LINGO2: variants seen among roughly 807,000 people sequenced by gnomAD.
LINGO2 encodes the protein leucine-rich repeat and immunoglobulin-like domain-containing nogo receptor-interacting protein 2.
Under a neutral mutation model 30.6 loss-of-function variants are expected in LINGO2, and 14 were observed. The observed-to-expected ratio is 0.46, with a 90% CI of 0.30 to 0.72. LINGO2 has a LOEUF of 0.72. Ranked by LOEUF, LINGO2 falls within the 30% of genes least tolerant of loss-of-function variation. LINGO2 has a pLI of 0.07. For missense variants in LINGO2, 729 were observed against 751.7 expected, an observed-to-expected ratio of 0.97 and a Z score of 0.35; for synonymous variants, 317 against 288.5, an observed-to-expected ratio of 1.10 and a Z score of -1.00.
the LINGO2 span, among the ~76,000 whole-genome samples, chr9:28,742,693 G>C: frequency 6.6e-6 from 1 of 151,696 alleles, no homozygotes; most frequent in East Asian, 1.9e-4. Flanking sequence ...GGAGAAAGAA[G>C]AACTACTAGA....
intron 3 of LINGO2, among the ~76,000 whole-genome samples, chr9:28,303,632 T>C (rs944783151): frequency 6.6e-6 from 1 of 152,154 alleles, no homozygotes; most frequent in African/African-American, 2.4e-5. Context: ...ATTTATTAAA[T>C]ACTGTAATCT....
chr9:28,893,348 C>A, the LINGO2 span, among the ~76,000 whole-genome samples: 1 of 152,040 alleles, frequency 6.6e-6, no homozygotes, highest in Non-Finnish European at 1.5e-5. Context: ...TATTTCCCAT[C>A]AATGACTAGT....
At chr9:28,053,229 T>C (rs542890001) in intron 4 of LINGO2, among the ~76,000 whole-genome samples, 1 of 152,042 alleles carries the variant, frequency 6.6e-6, no homozygotes, top group East Asian at 1.9e-4. Flanking sequence ...TCCTGGAGAA[T>C]GGAGAGGAAT....
At chr9:28,944,592 G>A in the LINGO2 span, among the ~76,000 whole-genome samples, 14 of 151,988 alleles carry the variant, frequency 9.2e-5, no homozygotes, top group Admixed American at 7.9e-4. Flanking sequence ...TTTTAGTAGA[G>A]ACAGGGTTTC....
At chr9:29,110,457 C>T in the LINGO2 span, among the ~76,000 whole-genome samples, 2 of 151,644 alleles carry the variant, frequency 1.3e-5, no homozygotes, top group Non-Finnish European at 2.9e-5. Context: ...CTCAGCCTCC[C>T]GAGTAGCTGG....
At position 28,558,948 on chromosome 9, in the gene LINGO2, G is replaced by C. The variant is rs147157726; in HGVS notation, c.-364-82923C>G. On this transcript the variant is annotated intron_variant, in intron 1 of 5. Transcript: ENST00000379992. The stretch of plus-strand genomic sequence containing the variant: ...AATAGGAAACCATGCCCCAAATAAA[G>C]AGATTTAGAGAAAAAAGTAGTATAT... 5.4e-3 allele frequency among the ~76,000 whole-genome samples: 827 copies of C among 152,032 alleles called. 6 individuals are homozygous for C. The highest frequency in any genetic ancestry group is 0.019 in the African/African-American group (786 of 41,520).
the LINGO2 span, among the ~76,000 whole-genome samples, chr9:28,831,621 CAA>C: frequency 1.5e-4 from 22 of 151,468 alleles, no homozygotes; most frequent in East Asian, 4.3e-3. Flanking sequence ...GGGAAATAAT[CAA>C]AGATTAGTAA....
chr9:28,405,301 T>C (rs1822454807), intron 2 of LINGO2, among the ~76,000 whole-genome samples: 1 of 152,166 alleles, frequency 6.6e-6, no homozygotes, highest in Admixed American at 6.6e-5. Context: ...TATTAATATG[T>C]GTCCTCTCAA....
the LINGO2 span, among the ~76,000 whole-genome samples, chr9:28,908,948 G>C: frequency 1.8e-4 from 28 of 151,740 alleles, no homozygotes; most frequent in Non-Finnish European, 3.0e-5. Context: ...ATTCTTCACT[G>C]TCTTCTGGTA....
In LINGO2 at chr9:28,147,590, G is replaced by A. The variant is rs1345923171; in HGVS notation, c.-86-135185C>T. On this transcript the variant is annotated intron_variant, in intron 4 of 5. Coordinates refer to ENST00000379992, the Ensembl canonical transcript of LINGO2. The surrounding 1 kb of genome is among the most constrained non-coding windows in gnomAD (Gnocchi z 4.7). ...CCAGGTTCTGGCCCTGTAACCCGGGGGACAGGGCCGGCCAAGACAGGGCCA... is the reference window on the plus strand; with the variant it reads ...CCAGGTTCTGGCCCTGTAACCCGGGAGACAGGGCCGGCCAAGACAGGGCCA... Among the ~76,000 whole-genome samples, 1 of 152,120 alleles carries A rather than the reference G, an allele frequency of 6.6e-6. No homozygotes were observed. The highest frequency in any genetic ancestry group is 2.4e-5 in the African/African-American group (1 of 41,444).
intron 1 of LINGO2, among the ~76,000 whole-genome samples, chr9:28,544,945 A>G (rs1279085809): frequency 6.6e-6 from 1 of 151,550 alleles, no homozygotes; most frequent in East Asian, 1.9e-4. Flanking sequence ...AGAGGAGTTA[A>G]TATCTATAGA....
At chr9:28,889,361 T>A in the LINGO2 span, among the ~76,000 whole-genome samples, 2 of 152,110 alleles carry the variant, frequency 1.3e-5, no homozygotes, top group African/African-American at 4.8e-5. Context: ...AACTACGAGA[T>A]CAGAATTCTA....
chr9:28,901,495 T>C, the LINGO2 span, among the ~76,000 whole-genome samples: 57 of 152,030 alleles, frequency 3.7e-4, no homozygotes, highest in East Asian at 9.3e-3. Context: ...TTAAAAATAA[T>C]AGGCGCAATT....
At chr9:27,955,646 T>C (rs1819525741) in intron 5 of LINGO2, among the ~76,000 whole-genome samples, 1 of 149,764 alleles carries the variant, frequency 6.7e-6, no homozygotes, top group African/African-American at 2.4e-5. Context: ...TTGTTCTTTT[T>C]TTATGTCTGG....
chr9:28,936,096 CTTAAT>C, the LINGO2 span, among the ~76,000 whole-genome samples: 1 of 152,064 alleles, frequency 6.6e-6, no homozygotes, highest in Admixed American at 6.6e-5. Context: ...GGCCAATACC[CTTAAT>C]TATTCACAAA....
chr9:28,266,032 G>T (rs1357376223), intron 4 of LINGO2, among the ~76,000 whole-genome samples: 4 of 151,940 alleles, frequency 2.6e-5, no homozygotes, highest in Non-Finnish European at 5.9e-5. Flanking sequence ...GGAATGATTT[G>T]AATGATTTAA....
At chr9:28,260,574 C>A (rs953822379) in intron 4 of LINGO2, among the ~76,000 whole-genome samples, 2 of 151,724 alleles carry the variant, frequency 1.3e-5, no homozygotes, top group Non-Finnish European at 2.9e-5. Context: ...CAGGGTGTGG[C>A]CTGACAGAGG....
the LINGO2 span, among the ~76,000 whole-genome samples, chr9:29,206,615 C>G: frequency 9.1e-4 from 138 of 152,228 alleles, 3 homozygotes; most frequent in East Asian, 0.019. Context: ...CTCTGAATTG[C>G]CTGGTGACAC....
chr9:29,025,400 A>C, the LINGO2 span, among the ~76,000 whole-genome samples: 6 of 152,128 alleles, frequency 3.9e-5, no homozygotes, highest in Non-Finnish European at 8.8e-5. Flanking sequence ...TTATCAAACA[A>C]AATAATACAT....
Sources: gnomAD v4.1 joint callset for allele counts (sites outside exome capture counted in the v4.1 genomes callset) on GRCh38, gnomAD v4.1.1 for gene constraint, Gnocchi (gnomAD v3.1) non-coding constraint, MANE v1.5 for transcripts, NCBI Gene and HGNC (gene_info 2026-07-23, HGNC 2026-07-21) for gene names.